The following INPP5F variants were observed in gnomAD, a reference collection of about 807,000 sequenced individuals.
The protein encoded by INPP5F is phosphatidylinositide 4-phosphatase SAC2.
INPP5F carries 97 observed loss-of-function variants against 137.2 expected under a neutral mutation model. That is an observed-to-expected ratio of 0.71 (90% confidence interval 0.60 to 0.84). The LOEUF (loss-of-function observed/expected upper bound fraction) is 0.84. Ranked by LOEUF, INPP5F falls within the 40% of genes least tolerant of loss-of-function variation. The pLI, the probability that INPP5F is intolerant of heterozygous loss-of-function variation, is 0.00. For missense variants in INPP5F, 1,271 were observed against 1,371.9 expected, an observed-to-expected ratio of 0.93 and a Z score of 1.16; for synonymous variants, 504 against 476.9, an observed-to-expected ratio of 1.06 and a Z score of -0.74.
intron 1 of INPP5F, among the ~76,000 whole-genome samples, chr10:119,741,448 G>A (rs1848373047): frequency 6.6e-6 from 1 of 152,158 alleles, no homozygotes; most frequent in Admixed American, 6.5e-5. Flanking sequence ...AGTCTTCTTT[G>A]CCTTCAGTGG....
intron 1 of INPP5F, among the ~76,000 whole-genome samples, chr10:119,747,752 G>A (rs545503452): frequency 1.3e-5 from 2 of 152,090 alleles, no homozygotes; most frequent in Admixed American, 1.3e-4. Flanking sequence ...TTTATGATGG[G>A]GGAAAAACTT....
In INPP5F at chr10:119,808,067, A is replaced by G. The variant is rs764596243; in HGVS notation, c.1569+7A>G. On this transcript the variant is annotated splice_region_variant and intron_variant, in intron 13 of 19. Coordinates refer to ENST00000650623, the MANE Select transcript of INPP5F (RefSeq NM_014937.4). ...TGGGACAGCTGCTCTGAAGGTAAATACTTGCAGGAAGCATCTGTGGGTCAT... is the reference window on the plus strand; with the variant it reads ...TGGGACAGCTGCTCTGAAGGTAAATGCTTGCAGGAAGCATCTGTGGGTCAT... The G allele has an allele frequency of 6.2e-7, 1 of 1,608,570 alleles. No homozygotes were observed. Among genetic ancestry groups the G allele is most frequent in the Non-Finnish European group, 8.5e-7 (1 of 1,178,208 alleles).
At chr10:119,801,230 C>G (rs1850580263) in intron 9 of INPP5F, among the ~76,000 whole-genome samples, 1 of 152,188 alleles carries the variant, frequency 6.6e-6, no homozygotes, top group Non-Finnish European at 1.5e-5. Flanking sequence ...TTAAAATCAC[C>G]TTGTGGGGTA....
At chr10:119,746,822 C>T (rs571116425) in intron 1 of INPP5F, among the ~76,000 whole-genome samples, 21 of 148,196 alleles carry the variant, frequency 1.4e-4, no homozygotes, top group Admixed American at 8.1e-4. Flanking sequence ...CTTGCTCTGT[C>T]GCCCAGGCTG....
chr10:119,818,363 C>G (rs1371922123), intron 15 of INPP5F, among the ~76,000 whole-genome samples: 1 of 152,250 alleles, frequency 6.6e-6, no homozygotes, highest in Admixed American at 6.5e-5. Context: ...GTCGCCTGCC[C>G]GGTCCAGCAG....
chr10:119,804,141 A>G (rs1263232806), intron 9 of INPP5F, 32 bp from the exon 10 acceptor site: 4 of 1,507,654 alleles, frequency 2.7e-6, no homozygotes, highest in South Asian at 2.5e-5. Flanking sequence ...CTAAAATCTA[A>G]CTAAATTTTT....
chr10:119,751,265 T>C (rs1694471064), intron 2 of INPP5F, 109 bp downstream of exon 2: 1 of 746,114 alleles, frequency 1.3e-6, no homozygotes, highest in African/African-American at 1.7e-5. Context: ...TCCTTTGTTT[T>C]AATTTTGGGT....
intron 2 of INPP5F, among the ~76,000 whole-genome samples, chr10:119,767,173 T>C (rs1327054793): frequency 7.6e-6 from 1 of 130,760 alleles, no homozygotes; most frequent in African/African-American, 2.9e-5. Context: ...TGATTCCAGA[T>C]GGGAGCATGG....
At chr10:119,726,804 G>C (rs1032271864) in intron 1 of INPP5F, among the ~76,000 whole-genome samples, 7 of 152,254 alleles carry the variant, frequency 4.6e-5, no homozygotes, top group Non-Finnish European at 1.0e-4. Flanking sequence ...GGCTCTGCTG[G>C]ACACTCACTC....
chr10:119,756,827 T>C (rs1222125707), intron 2 of INPP5F, among the ~76,000 whole-genome samples: 1 of 150,104 alleles, frequency 6.7e-6, no homozygotes, highest in East Asian at 2.0e-4. Context: ...GTGTTATCCT[T>C]TGTTGATGAT....
intron 9 of INPP5F, among the ~76,000 whole-genome samples, chr10:119,799,076 G>A (rs1277627658): frequency 1.3e-5 from 2 of 152,096 alleles, no homozygotes; most frequent in Non-Finnish European, 2.9e-5. Context: ...GAGATAACTT[G>A]TTATGTATTT....
intron 2 of INPP5F, among the ~76,000 whole-genome samples, chr10:119,780,316 T>C (rs1298893747): frequency 2.6e-5 from 4 of 152,222 alleles, no homozygotes; most frequent in Non-Finnish European, 4.4e-5. Context: ...GGCTCATGCC[T>C]ATAATCCCAG....
At chr10:119,727,426 C>T (rs1399334487) in intron 1 of INPP5F, among the ~76,000 whole-genome samples, 1 of 152,132 alleles carries the variant, frequency 6.6e-6, no homozygotes, top group East Asian at 1.9e-4. Flanking sequence ...ATTTCCAATC[C>T]CCACAGCAAC....
intron 19 of INPP5F, 92 bp downstream of exon 19, chr10:119,823,994 A>C: frequency 8.0e-6 from 7 of 875,232 alleles, no homozygotes; most frequent in African/African-American, 1.7e-5. Flanking sequence ...GGAGGAGATC[A>C]CATTATGGTA....
rs568545848 is a variant in INPP5F, at chr10:119,808,654, A to G, written c.1569+594A>G. Among the ~76,000 whole-genome samples, 10 of 152,384 alleles carry G rather than the reference A, an allele frequency of 6.6e-5. No individual in the cohort carries two copies. In the South Asian group the frequency reaches 2.1e-3, roughly 32 times the overall value. On this transcript the variant is annotated intron_variant, in intron 13 of 19. Coordinates refer to ENST00000650623, the MANE Select transcript of INPP5F (RefSeq NM_014937.4). ...AAAAGTAAAGTCCTTTGAAGATCCT[A>G]TAGAGCTAGTCCTCATAGAATATTA... is the stretch of plus-strand genomic sequence containing the variant.
chr10:119,775,560 C>T (rs1849496288), intron 2 of INPP5F, among the ~76,000 whole-genome samples: 2 of 152,146 alleles, frequency 1.3e-5, no homozygotes, highest in African/African-American at 2.4e-5. Flanking sequence ...CCATGGTGCC[C>T]AGCCTCAAAT....
chr10:119,796,032 C>T (rs868694073), intron 6 of INPP5F, among the ~76,000 whole-genome samples: 6,856 of 135,550 alleles, frequency 0.051, 283 homozygotes, highest in South Asian at 0.27. Flanking sequence ...GCAGCAGTAC[C>T]GTCCAGCTTC....
At chr10:119,752,158 T>G (rs1848706605) in intron 2 of INPP5F, among the ~76,000 whole-genome samples, 1 of 152,250 alleles carries the variant, frequency 6.6e-6, no homozygotes, top group African/African-American at 2.4e-5. Flanking sequence ...AATTTTCCTT[T>G]GCTAGATTCT....
intron 2 of INPP5F, among the ~76,000 whole-genome samples, chr10:119,774,245 A>G (rs1849449174): frequency 7.6e-6 from 1 of 131,488 alleles, no homozygotes. Context: ...CTGGCGACAG[A>G]GGGAGACTCA....
Sources: allele counts gnomAD v4.1 joint callset (sites outside exome capture counted in the v4.1 genomes callset), GRCh38; gene constraint gnomAD v4.1.1; transcripts MANE v1.5; gene names NCBI Gene and HGNC (gene_info 2026-07-23, HGNC 2026-07-21).